SFRP1: variants seen among roughly 807,000 people sequenced by gnomAD.
The protein encoded by SFRP1 is secreted frizzled-related protein 1.
Under a neutral mutation model 25.9 loss-of-function variants are expected in SFRP1, and 9 were observed. That is an observed-to-expected ratio of 0.35 (90% confidence interval 0.21 to 0.61). SFRP1 has a LOEUF of 0.61. SFRP1 is among the 20% of genes least tolerant of loss of function. The pLI is 0.78. For synonymous variants in SFRP1, 178 were observed against 174.0 expected (o/e 1.02, Z -0.18); for missense variants, 346 against 418.2 (o/e 0.83, Z 1.51).
intron 2 of SFRP1, among the ~76,000 whole-genome samples, chr8:41,296,124 T>TG (rs5891136): frequency 0.81 from 123,011 of 152,136 alleles, 49,948 homozygotes; most frequent in African/African-American, 0.87. Flanking sequence ...CAGACTGCAG[T>TG]CCAGGTCCTC....
chr8:41,302,038 C>CT (rs1563367296), intron 2 of SFRP1, among the ~76,000 whole-genome samples: 2 of 152,184 alleles, frequency 1.3e-5, no homozygotes, highest in Non-Finnish European at 2.9e-5. Context: ...CAACTTCTGT[C>CT]TTTTTTAAAA....
intron 2 of SFRP1, among the ~76,000 whole-genome samples, chr8:41,292,738 G>A (rs1307860031): frequency 6.6e-6 from 1 of 152,208 alleles, no homozygotes; most frequent in African/African-American, 2.4e-5. Context: ...GCAGGGCTCA[G>A]TAGAAGCCCA....
intron 2 of SFRP1, among the ~76,000 whole-genome samples, chr8:41,275,941 T>A (rs1369262074): frequency 1.3e-5 from 2 of 152,016 alleles, no homozygotes; most frequent in Non-Finnish European, 2.9e-5. Context: ...AGAAACAGGG[T>A]CTTGGCATCT....
At chr8:41,272,315 G>T (rs1213263249) in intron 2 of SFRP1, among the ~76,000 whole-genome samples, 10 of 152,126 alleles carry the variant, frequency 6.6e-5, no homozygotes, top group Non-Finnish European at 1.5e-5. Context: ...TTAAGATAAG[G>T]TTAAAGAGGC....
chr8:41,268,177 A>G (rs1297475324), intron 2 of SFRP1, among the ~76,000 whole-genome samples: 2 of 152,214 alleles, frequency 1.3e-5, no homozygotes, highest in African/African-American at 4.8e-5. Context: ...TGAGAATGGG[A>G]TATGTCTATC....
rs759781230 is a variant in SFRP1, at chr8:41,308,935, C to T, written c.225G>A (p.Lys75=). Reference sequence around the variant, plus strand: ...GCTCCAGCAGGTTGGGCAGCACCATCTTCTTGTAGCCCACGTTGTGGCACA... The same window carrying T: ...GCTCCAGCAGGTTGGGCAGCACCATTTTCTTGTAGCCCACGTTGTGGCACA... The part of the protein sequence containing the change: ...LRLCHNVGYK[K]MVLPNLLEHE... The change falls in exon 1 of 3, where the codon AAG becomes AAA. Residue 75 remains lysine (K), a synonymous_variant. Transcript: ENST00000220772. 2.6e-5 allele frequency: 42 copies of T among 1,613,300 alleles called. No homozygotes were observed. The South Asian group carries it at 4.6e-4, about 18-fold the overall frequency.
chr8:41,285,631 C>A (rs956052442), intron 2 of SFRP1, among the ~76,000 whole-genome samples: 2 of 152,182 alleles, frequency 1.3e-5, no homozygotes, highest in African/African-American at 4.8e-5. Context: ...TCACTTTTCC[C>A]AGGACCACAG....
intron 2 of SFRP1, among the ~76,000 whole-genome samples, chr8:41,289,586 CT>C (rs1803751199): frequency 6.6e-6 from 1 of 152,194 alleles, no homozygotes; most frequent in Admixed American, 6.5e-5. Context: ...CCAATGCACT[CT>C]TTAAATCCTA....
chr8:41,302,863 G>A (rs1213374846), intron 2 of SFRP1, among the ~76,000 whole-genome samples: 3 of 151,774 alleles, frequency 2.0e-5, no homozygotes, highest in Non-Finnish European at 4.4e-5. Context: ...TCGATGGAGA[G>A]TGACTTGGGA....
intron 2 of SFRP1, among the ~76,000 whole-genome samples, chr8:41,294,204 C>T (rs1803812665): frequency 6.6e-6 from 1 of 152,192 alleles, no homozygotes; most frequent in African/African-American, 2.4e-5. Context: ...GCTCTCTAGG[C>T]ACCAGCTGCT....
intron 2 of SFRP1, chr8:41,275,095 T>A (rs1180868804): frequency 2.6e-6 from 1 of 390,526 alleles, no homozygotes; most frequent in Non-Finnish European, 5.0e-6. Flanking sequence ...ATCAATTGGG[T>A]TAGAATGCAA....
intron 2 of SFRP1, among the ~76,000 whole-genome samples, chr8:41,278,091 T>C (rs910996276): frequency 6.6e-6 from 1 of 152,052 alleles, no homozygotes; most frequent in African/African-American, 2.4e-5. Context: ...CGTCTAAACA[T>C]CCTAGAGGCC....
rs778976903 is a variant in SFRP1 at position 41,262,180 on chromosome 8, A to T, written c.*2987T>A. 6.6e-6 allele frequency: 1 copy of T among 152,470 alleles called. No homozygotes were observed. The highest frequency in any genetic ancestry group is 1.5e-5 in the Non-Finnish European group (1 of 68,034). 9.4% of individuals were successfully genotyped at this position (152,470 alleles called of 1,614,324 possible). A position where few individuals can be genotyped will look rare whatever the true frequency, so the allele number is the denominator to read the frequency against. On this transcript the variant is annotated 3_prime_UTR_variant, in exon 3 of 3. Transcript: ENST00000220772. ...GAGACTTAGGATCTAAAAGAGGAGT[A>T]CTACAGGAAGAAACTAGAGGAAACG...
intron 2 of SFRP1, among the ~76,000 whole-genome samples, chr8:41,267,550 C>G (rs559243391): frequency 2.6e-5 from 4 of 152,334 alleles, no homozygotes; most frequent in African/African-American, 9.6e-5. Flanking sequence ...CTTCCACCCA[C>G]ACACCCTGAG....
chr8:41,309,314 C>G lies in SFRP1; in HGVS notation c.-155G>C. The G allele has an allele frequency of 3.5e-6, 3 of 859,982 alleles. No individual in the cohort carries two copies. Among genetic ancestry groups the G allele is most frequent in the Non-Finnish European group, 4.5e-6 (3 of 663,510 alleles). 53.3% of individuals were successfully genotyped at this position (859,982 alleles called of 1,614,324 possible). ...GCCGCAAGCTGCTGCCCGGTCCCCC[C>G]GGCCAGTGGCGGCCCTCGGCCTGCG... On this transcript the variant is annotated 5_prime_UTR_variant, in exon 1 of 3. Transcript: ENST00000220772.
At chr8:41,299,722 C>G (rs1177462734) in intron 2 of SFRP1, among the ~76,000 whole-genome samples, 2 of 150,208 alleles carry the variant, frequency 1.3e-5, no homozygotes, top group Non-Finnish European at 2.9e-5. Flanking sequence ...GTCATTCATA[C>G]AGTCAGCTGA....
chr8:41,297,325 TG>T (rs1803856089), intron 2 of SFRP1, among the ~76,000 whole-genome samples: 1 of 152,192 alleles, frequency 6.6e-6, no homozygotes, highest in South Asian at 2.1e-4. Context: ...ATTACAGGTG[TG>T]AGTCACCGTG....
chr8:41,264,649 A>T lies in SFRP1; in HGVS notation c.*518T>A, dbSNP rs1803412235. ...CTGCACTTATCACTTTCTGGGCTTG[A>T]CCTTAATTGTAAGTGTGGTATGAGT... is the stretch of plus-strand genomic sequence containing the variant. On this transcript the variant is annotated 3_prime_UTR_variant, in exon 3 of 3. Transcript: ENST00000220772. The T allele has an allele frequency of 6.4e-6, 1 of 155,266 alleles. No homozygotes were observed. Among genetic ancestry groups the T allele is most frequent in the Non-Finnish European group, 1.4e-5 (1 of 70,002 alleles). The allele number at this position is 155,266 out of a possible 1,614,324, so 9.6% of individuals were successfully genotyped here.
Position 41,308,861 on chromosome 8 carries a change from AG to A in SFRP1, c.298del (p.Leu100CysfsTer70). On this transcript the variant is annotated frameshift_variant, in exon 1 of 3. Coordinates refer to ENST00000220772, the MANE Select transcript of SFRP1 (RefSeq NM_003012.5). LOFTEE classifies it high-confidence loss of function. Reference protein sequence around the residue: ...VKQQASSWVPLLNKNCHAGTQ... With the variant: ...VKQQASSWVPXLNKNCHAGTQ... ...GCCGGCGTGGCAGTTCTTGTTGAGC[AG>A]GGGCACCCAGCTGCTGGCCTGCTGC... is the stretch of plus-strand genomic sequence containing the variant. 1 of 1,610,400 alleles carries A rather than the reference AG, an allele frequency of 6.2e-7. No individual in the cohort carries two copies.
Sources: gnomAD v4.1 joint callset for allele counts (sites outside exome capture counted in the v4.1 genomes callset) on GRCh38, gnomAD v4.1.1 for gene constraint, MANE v1.5 for transcripts, NCBI Gene and HGNC (gene_info 2026-07-23, HGNC 2026-07-21) for gene names.